The following CDH13 variants were observed in gnomAD, a reference collection of about 807,000 sequenced individuals.
CDH13 encodes the protein cadherin 13.
Under a neutral mutation model 63.8 loss-of-function variants are expected in CDH13, and 24 were observed. That is an observed-to-expected ratio of 0.38 (90% CI 0.27 to 0.53). The LOEUF is 0.53. CDH13 is among the 20% of genes least tolerant of loss of function. CDH13 has a pLI of 0.85. For synonymous variants in CDH13, 503 were observed against 355.3 expected (o/e 1.42, Z -4.67); for missense variants, 1,049 against 903.1 (o/e 1.16, Z -2.07).
intron 1 of CDH13, among the ~76,000 whole-genome samples, chr16:82,815,732 C>T (rs2037674012): frequency 6.6e-6 from 1 of 152,118 alleles, no homozygotes; most frequent in Non-Finnish European, 1.5e-5. Flanking sequence ...CGTAGACTAT[C>T]ACTTTGTTGG....
chr16:83,769,125 C>A (rs1313771573), intron 11 of CDH13, among the ~76,000 whole-genome samples: 2 of 152,128 alleles, frequency 1.3e-5, no homozygotes, highest in African/African-American at 2.4e-5. Flanking sequence ...GTGTGGAGAT[C>A]AAGAGTACAG....
chr16:82,699,435 G>A (rs2030720075), intron 1 of CDH13, among the ~76,000 whole-genome samples: 1 of 152,218 alleles, frequency 6.6e-6, no homozygotes, highest in Non-Finnish European at 1.5e-5. Flanking sequence ...CCCAGACTGA[G>A]AGGAGGCTGA....
At position 83,147,048 on chromosome 16, in the gene CDH13, G is replaced by A. The variant is rs142643936; in HGVS notation, c.483+21547G>A. Among the ~76,000 whole-genome samples, 87 of 152,138 alleles carry A rather than the reference G, an allele frequency of 5.7e-4. 1 individual carries two copies. The highest frequency in any genetic ancestry group is 1.0e-3 in the Admixed American group (16 of 15,274). On this transcript the variant is annotated intron_variant, in intron 4 of 13. Coordinates refer to ENST00000567109, the MANE Select transcript of CDH13 (RefSeq NM_001257.5). ...GGCTACAGTGAGATGAGATCACGCC[G>A]CTGTACTCTGGCCTGGGCAACAGAG...
intron 2 of CDH13, among the ~76,000 whole-genome samples, chr16:82,877,525 C>T (rs1022019507): frequency 2.3e-4 from 35 of 152,202 alleles, no homozygotes; most frequent in Non-Finnish European, 2.9e-5. Flanking sequence ...GTTAGCATTT[C>T]CCAAACTTCT....
At chr16:83,379,938 T>TATATATAGAGAGAGAG in intron 6 of CDH13, among the ~76,000 whole-genome samples, 76 of 123,456 alleles carry the variant, frequency 6.2e-4, no homozygotes, top group Non-Finnish European at 1.0e-3. Context: ...TATATATATA[T>TATATATAGAGAGAGAG]AGAGAGAGAG....
chr16:83,630,260 C>T lies in CDH13; in HGVS notation c.1101+27666C>T, dbSNP rs542602296. On this transcript the variant is annotated intron_variant, in intron 8 of 13. Transcript: ENST00000567109. ...GTAATAAAGGTTAAATAAAGTGCAA[C>T]ATTTTGATGCTATGAACCTAAAAGT... Among the ~76,000 whole-genome samples, 7 of 152,282 alleles carry T rather than the reference C, an allele frequency of 4.6e-5. No individual in the cohort carries two copies. In the South Asian group the frequency reaches 1.5e-3, roughly 32 times the overall value.
At chr16:83,355,415 A>C (rs2091033120) in intron 6 of CDH13, among the ~76,000 whole-genome samples, 1 of 152,240 alleles carries the variant, frequency 6.6e-6, no homozygotes, top group Non-Finnish European at 1.5e-5. Context: ...CAACACAGTT[A>C]AGACCAGGAG....
rs965378512 is a variant in CDH13, at chr16:83,800,304, C to A, written c.*5274C>A. On this transcript the variant is annotated 3_prime_UTR_variant, in exon 14 of 14. Coordinates refer to ENST00000567109, the MANE Select transcript of CDH13 (RefSeq NM_001257.5). ...AGAGAGTACTAAAGCCATTCTATAT[C>A]TGTCGTACACATGAATTCAGACTAT... 1 of 152,178 alleles carries A rather than the reference C, an allele frequency of 6.6e-6. No individual in the cohort carries two copies. The highest frequency in any genetic ancestry group is 1.5e-5 in the Non-Finnish European group (1 of 68,036). The allele number at this position is 152,178 out of a possible 1,614,324, so 9.4% of individuals were successfully genotyped here. A position where few individuals can be genotyped will look rare whatever the true frequency, so the allele number is the denominator to read the frequency against.
At chr16:82,831,372 G>T (rs1371863047) in intron 1 of CDH13, among the ~76,000 whole-genome samples, 1 of 151,828 alleles carries the variant, frequency 6.6e-6, no homozygotes, top group African/African-American at 2.4e-5. Context: ...TATCTAAGAA[G>T]CTTCTATTTG....
At chr16:82,923,788 A>T (rs897469483) in intron 2 of CDH13, among the ~76,000 whole-genome samples, 22 of 152,180 alleles carry the variant, frequency 1.4e-4, no homozygotes, top group African/African-American at 5.3e-4. Flanking sequence ...CTGGTCTATG[A>T]TACAGAAAAT....
chr16:82,700,426 T>G (rs2030842242), intron 1 of CDH13, among the ~76,000 whole-genome samples: 1 of 152,142 alleles, frequency 6.6e-6, no homozygotes, highest in Admixed American at 6.6e-5. Context: ...TTACCGTGTA[T>G]GTGTATAATG....
At chr16:82,718,347 G>A (rs78229669) in intron 1 of CDH13, among the ~76,000 whole-genome samples, 9,618 of 152,174 alleles carry the variant, frequency 0.063, 325 homozygotes, top group African/African-American at 0.072. Context: ...CCTCTGTAGG[G>A]CACAGGTGAG....
At chr16:82,796,731 G>A (rs1597614954) in intron 1 of CDH13, among the ~76,000 whole-genome samples, 1 of 152,244 alleles carries the variant, frequency 6.6e-6, no homozygotes, top group African/African-American at 2.4e-5. Flanking sequence ...TCTTTGCTGT[G>A]ACAAATAATG....
chr16:83,726,971 C>G lies in CDH13; in HGVS notation c.1539-21137C>G, dbSNP rs200459584. On this transcript the variant is annotated intron_variant, in intron 10 of 13. Transcript: ENST00000567109. ...TAGCAGCCCTGGAAATCATGGATAC[C>G]TCCCTTCCTTGAAGTTATCTTTCCC... 7.2e-5 allele frequency among the ~76,000 whole-genome samples: 11 copies of G among 152,260 alleles called. 1 individual carries two copies. The East Asian group carries it at 7.7e-4, about 11-fold the overall frequency.
intron 10 of CDH13, chr16:83,721,064 A>G (rs1909630030): frequency 1.3e-5 from 2 of 152,184 alleles, no homozygotes; most frequent in African/African-American, 2.4e-5. Flanking sequence ...TCTGGCCAGC[A>G]TGGTTGTTTG....
rs185684687 is a variant in CDH13, at chr16:83,087,454, G to C, written c.367-37931G>C. 3.5e-3 allele frequency among the ~76,000 whole-genome samples: 538 copies of C among 152,130 alleles called. 2 individuals are homozygous for C. Among genetic ancestry groups the C allele is most frequent in the African/African-American group, 0.012 (492 of 41,512 alleles). ...AGAGGCCGAGGCGGGCAGATCACGA[G>C]GTCAGGAGTTCGAGACCAGCCTACC... On this transcript the variant is annotated intron_variant, in intron 3 of 13. Coordinates refer to ENST00000567109, the MANE Select transcript of CDH13 (RefSeq NM_001257.5).
chr16:83,567,018 C>T (rs750462247), intron 7 of CDH13, among the ~76,000 whole-genome samples: 7 of 152,194 alleles, frequency 4.6e-5, no homozygotes, highest in Non-Finnish European at 8.8e-5. Context: ...GTGTGTCATA[C>T]AGTTCTAGGC....
chr16:82,903,112 A>G (rs2041524354), intron 2 of CDH13, among the ~76,000 whole-genome samples: 1 of 152,280 alleles, frequency 6.6e-6, no homozygotes, highest in Admixed American at 6.5e-5. Context: ...ACTTTAAAGC[A>G]CATGAGCAGT....
intron 5 of CDH13, among the ~76,000 whole-genome samples, chr16:83,290,367 G>C (rs1055282634): frequency 6.6e-6 from 1 of 152,124 alleles, no homozygotes; most frequent in African/African-American, 2.4e-5. Flanking sequence ...TCCAGTGGGA[G>C]GTAATTGAAT....
Sources: allele counts gnomAD v4.1 joint callset (sites outside exome capture counted in the v4.1 genomes callset), GRCh38; gene constraint gnomAD v4.1.1; transcripts MANE v1.5; gene names NCBI Gene and HGNC (gene_info 2026-07-23, HGNC 2026-07-21).